NFATC3: variants seen among roughly 807,000 people sequenced by gnomAD.
NFATC3 encodes nuclear factor of activated T-cells, cytoplasmic 3.
A neutral mutation model predicts 98.6 loss-of-function variants in NFATC3; 46 were observed. That is an observed-to-expected ratio of 0.47 (90% CI 0.37 to 0.60). The LOEUF (loss-of-function observed/expected upper bound fraction) is 0.60. NFATC3 is among the 20% of genes least tolerant of loss of function. The pLI is 0.00. For synonymous variants in NFATC3, 512 were observed against 472.2 expected (o/e 1.08, Z -1.09); for missense variants, 1,256 against 1,295.5 (o/e 0.97, Z 0.47).
intron 4 of NFATC3, among the ~76,000 whole-genome samples, chr16:68,165,896 A>T (rs2039169916): frequency 6.6e-6 from 1 of 152,232 alleles, no homozygotes; most frequent in African/African-American, 2.4e-5. Context: ...CCAATATGTG[A>T]ATAACAAAGG....
At chr16:68,129,335 TTTC>T (rs1312076986) in intron 3 of NFATC3, among the ~76,000 whole-genome samples, 1 of 152,130 alleles carries the variant, frequency 6.6e-6, no homozygotes, top group African/African-American at 2.4e-5. Context: ...CAGTTTTTAT[TTTC>T]TTCTTGTAAA....
At chr16:68,217,909 G>C in intron 9 of NFATC3, 1 of 1,226,022 alleles carries the variant, frequency 8.2e-7, no homozygotes, top group African/African-American at 1.6e-5. Flanking sequence ...ATACTCTGTA[G>C]CTGGGTGTCA....
At position 68,193,629 on chromosome 16, in the gene NFATC3, A is replaced by G. The variant is rs146489839; in HGVS notation, c.3106+1854A>G. ...GGCTGCAGTGAGCTGATCGCATACT[A>G]TTGCACTCCAGCCTGGGTAGCAGGA... On this transcript the variant is annotated intron_variant, in intron 9 of 9. Coordinates refer to ENST00000346183, the MANE Select transcript of NFATC3 (RefSeq NM_173165.3). 5.5e-3 allele frequency among the ~76,000 whole-genome samples: 842 copies of G among 152,212 alleles called. 7 individuals carry two copies. The highest frequency in any genetic ancestry group is 0.02 in the African/African-American group (822 of 41,540).
At chr16:68,166,808 A>G (rs964691100) in intron 4 of NFATC3, 35 bp from the exon 5 acceptor site, 2 of 1,527,578 alleles carry the variant, frequency 1.3e-6, no homozygotes, top group Non-Finnish European at 1.8e-6. Flanking sequence ...ATGATTATCA[A>G]TAAACAAATT....
At chr16:68,126,661 T>C (rs779231369) in intron 3 of NFATC3, 51 bp downstream of exon 3, 24 of 1,570,096 alleles carry the variant, frequency 1.5e-5, no homozygotes, top group African/African-American at 2.7e-5. Context: ...CTAGTGATGA[T>C]TAGACAAGTC....
chr16:68,220,017 C>T (rs775682959), intron 9 of NFATC3, among the ~76,000 whole-genome samples: 2 of 152,142 alleles, frequency 1.3e-5, no homozygotes, highest in Non-Finnish European at 2.9e-5. Context: ...TTCTTGAATA[C>T]GAACTTTTTC....
At chr16:68,197,442 C>A (rs1035876795) in intron 9 of NFATC3, among the ~76,000 whole-genome samples, 2 of 152,166 alleles carry the variant, frequency 1.3e-5, no homozygotes, top group African/African-American at 4.8e-5. Context: ...TGCCATCATG[C>A]CCTGCTAATA....
chr16:68,154,774 G>C (rs1396267712), intron 3 of NFATC3, among the ~76,000 whole-genome samples: 1 of 152,226 alleles, frequency 6.6e-6, no homozygotes, highest in Non-Finnish European at 1.5e-5. Context: ...GGCTAGAGCA[G>C]ACTGTGGAAA....
chr16:68,179,216 T>TG (rs1366546039), intron 6 of NFATC3, among the ~76,000 whole-genome samples: 1 of 152,162 alleles, frequency 6.6e-6, no homozygotes, highest in Non-Finnish European at 1.5e-5. Context: ...AAGATTAGGT[T>TG]GAAGACCCTG....
At chr16:68,117,430 C>T (rs939059707) in intron 1 of NFATC3, among the ~76,000 whole-genome samples, 4 of 152,190 alleles carry the variant, frequency 2.6e-5, no homozygotes, top group African/African-American at 9.7e-5. Context: ...ACTAGCCTCT[C>T]CCTGAGCACC....
chr16:68,131,972 T>TA (rs1157518958), intron 3 of NFATC3, among the ~76,000 whole-genome samples: 2 of 152,186 alleles, frequency 1.3e-5, no homozygotes, highest in African/African-American at 4.8e-5. Flanking sequence ...CATATACTGG[T>TA]ATAGTGTTCC....
chr16:68,120,573 A>G (rs1359435148), intron 1 of NFATC3, among the ~76,000 whole-genome samples: 2 of 115,224 alleles, frequency 1.7e-5, no homozygotes, highest in Non-Finnish European at 3.5e-5. Context: ...TCTGTCTCAG[A>G]AAAAAAAAAA....
intron 3 of NFATC3, among the ~76,000 whole-genome samples, chr16:68,147,783 G>A (rs1339071651): frequency 1.4e-5 from 2 of 144,676 alleles, no homozygotes; most frequent in African/African-American, 2.5e-5. Context: ...AAGACATATA[G>A]TCCACAGGAG....
At chr16:68,203,336 A>G (rs1350157627) in intron 9 of NFATC3, among the ~76,000 whole-genome samples, 1 of 152,170 alleles carries the variant, frequency 6.6e-6, no homozygotes, top group African/African-American at 2.4e-5. Flanking sequence ...ATCAACCTAC[A>G]TTAAGATTTA....
At chr16:68,140,483 T>TA (rs2037691616) in intron 3 of NFATC3, among the ~76,000 whole-genome samples, 1 of 152,220 alleles carries the variant, frequency 6.6e-6, no homozygotes, top group African/African-American at 2.4e-5. Flanking sequence ...AAAATTCAGT[T>TA]ATTCAGTTGC....
chr16:68,189,298 T>TTA lies in NFATC3; in HGVS notation c.2099-1470_2099-1469insTA, dbSNP rs1299940994. On this transcript the variant is annotated intron_variant, in intron 8 of 9. Transcript: ENST00000346183. Reference sequence around the variant, plus strand: ...AAGATGATATTGGTTGTCCTTGACTTGGGTAGAGTGATGTCTGGTTGGTGC... The same window carrying TTA: ...AAGATGATATTGGTTGTCCTTGACTTTAGGGTAGAGTGATGTCTGGTTGGTGC... 7.4e-5 allele frequency: 14 copies of TTA among 189,100 alleles called. No individual in the cohort carries two copies. The East Asian group carries it at 1.7e-3, about 23-fold the overall frequency. The allele number at this position is 189,100 out of a possible 1,614,324, so 11.7% of individuals were successfully genotyped here.
At chr16:68,097,086 A>G (rs890940670) in intron 1 of NFATC3, among the ~76,000 whole-genome samples, 2 of 152,228 alleles carry the variant, frequency 1.3e-5, no homozygotes, top group Admixed American at 6.5e-5. Context: ...AAAGAAATCA[A>G]TAGGACCTGG....
intron 9 of NFATC3, among the ~76,000 whole-genome samples, chr16:68,208,331 C>A (rs374821398): frequency 6.6e-6 from 1 of 152,118 alleles, no homozygotes; most frequent in African/African-American, 2.4e-5. Context: ...CCACCATGCC[C>A]GGTCTAGTTT....
intron 8 of NFATC3, among the ~76,000 whole-genome samples, chr16:68,184,608 C>T (rs1283077324): frequency 2.6e-5 from 4 of 151,986 alleles, no homozygotes; most frequent in African/African-American, 7.3e-5. Context: ...TCGAGACCAT[C>T]CTGGCTAACA....
Sources: gnomAD v4.1 joint callset for allele counts (sites outside exome capture counted in the v4.1 genomes callset) on GRCh38, gnomAD v4.1.1 for gene constraint, MANE v1.5 for transcripts, NCBI Gene and HGNC (gene_info 2026-07-23, HGNC 2026-07-21) for gene names.